The following CCDC192 variants were observed in gnomAD, a reference collection of about 807,000 sequenced individuals.
CCDC192 encodes coiled-coil domain-containing protein 192.
intron 3 of CCDC192, among the ~76,000 whole-genome samples, chr5:127,756,159 A>G (rs1361868671): frequency 6.6e-6 from 1 of 151,902 alleles, no homozygotes; most frequent in Admixed American, 6.6e-5. Context: ...AGTACACATT[A>G]TTTTTGTTCT....
intron 3 of CCDC192, among the ~76,000 whole-genome samples, chr5:127,760,995 G>T (rs964272499): frequency 1.3e-5 from 2 of 152,140 alleles, no homozygotes; most frequent in Non-Finnish European, 2.9e-5. Flanking sequence ...GGAAATTCAA[G>T]AGGAGGCAAA....
chr5:127,767,772 G>C (rs1755313150), intron 3 of CCDC192, among the ~76,000 whole-genome samples: 1 of 152,114 alleles, frequency 6.6e-6, no homozygotes, highest in Non-Finnish European at 1.5e-5. Context: ...TTCACTTGGA[G>C]TTTAAATGAG....
intron 6 of CCDC192, among the ~76,000 whole-genome samples, chr5:127,890,725 C>T (rs917513087): frequency 6.6e-6 from 1 of 152,174 alleles, no homozygotes; most frequent in African/African-American, 2.4e-5. Flanking sequence ...ATATTTTAGC[C>T]TGACATTCAG....
At chr5:127,786,784 A>G (rs745883548) in intron 3 of CCDC192, 4 of 624,326 alleles carry the variant, frequency 6.4e-6, no homozygotes, top group African/African-American at 1.8e-5. Context: ...AGTTGTTTGT[A>G]TAATTCCAGG....
chr5:127,752,726 G>T (rs1459549606), intron 2 of CCDC192, among the ~76,000 whole-genome samples: 1 of 152,218 alleles, frequency 6.6e-6, no homozygotes, highest in Non-Finnish European at 1.5e-5. Context: ...CTGCCGCCTT[G>T]CAGTTTGATC....
At chr5:127,793,069 A>C (rs945051859) in intron 3 of CCDC192, among the ~76,000 whole-genome samples, 1 of 152,220 alleles carries the variant, frequency 6.6e-6, no homozygotes, top group Non-Finnish European at 1.5e-5. Context: ...GGAACCATTC[A>C]TACCCCAAAC....
Position 127,785,441 on chromosome 5 carries a change from A to G in CCDC192, c.223-11662A>G, listed in dbSNP as rs140162923. ...GAAACATCCACTGAAGTTTAGAGGT[A>G]TACTCAAAACCACAAGCTTGCTTTA... On this transcript the variant is annotated intron_variant, in intron 3 of 6. Transcript: ENST00000514853. 2.2e-3 allele frequency: 654 copies of G among 300,592 alleles called. 3 individuals are homozygous for G. The highest frequency in any genetic ancestry group is 0.013 in the African/African-American group (599 of 44,990). The allele number at this position is 300,592 out of a possible 1,614,324, so 18.6% of individuals were successfully genotyped here. A position where few individuals can be genotyped will look rare whatever the true frequency, so the allele number is the denominator to read the frequency against.
chr5:127,932,351 T>C lies in CCDC192; in HGVS notation c.536-8831T>C, dbSNP rs555263535. ...TCCCAACTAGCTGGGACTACAGGCA[T>C]GCGCCACCACGCCCGGCTAATTTTG... On this transcript the variant is annotated intron_variant, in intron 6 of 6. Coordinates refer to ENST00000514853, the MANE Select transcript of CCDC192 (RefSeq NM_001317938.2). Among the ~76,000 whole-genome samples the C allele has an allele frequency of 3.3e-5, 5 of 151,988 alleles. No homozygotes were observed. The East Asian group carries it at 9.9e-4, about 30-fold the overall frequency.
At chr5:127,820,888 C>A (rs1439428590) in intron 5 of CCDC192, among the ~76,000 whole-genome samples, 1 of 152,094 alleles carries the variant, frequency 6.6e-6, no homozygotes, top group Non-Finnish European at 1.5e-5. Flanking sequence ...TTAATTTAAT[C>A]TAAATATATT....
At chr5:127,719,691 T>C (rs1341921612) in intron 2 of CCDC192, among the ~76,000 whole-genome samples, 1 of 151,302 alleles carries the variant, frequency 6.6e-6, no homozygotes, top group Non-Finnish European at 1.5e-5. Context: ...GGGTAATTTA[T>C]AAAGAAAAGA....
intron 5 of CCDC192, among the ~76,000 whole-genome samples, chr5:127,798,967 C>A (rs17164667): frequency 0.022 from 3,295 of 152,238 alleles, 120 homozygotes; most frequent in African/African-American, 0.075. Flanking sequence ...AAATCTGTCA[C>A]CCTGCCACTA....
rs564636992 is a variant in CCDC192, at chr5:127,731,549, T to C, written c.115-22719T>C. Reference sequence around the variant, plus strand: ...TCATACAGAACCAAAAAAGAGCCTGTATAGCCAAGACAATTCTAAGCAAAC... The same window carrying C: ...TCATACAGAACCAAAAAAGAGCCTGCATAGCCAAGACAATTCTAAGCAAAC... On this transcript the variant is annotated intron_variant, in intron 2 of 6. Coordinates refer to ENST00000514853, the MANE Select transcript of CCDC192 (RefSeq NM_001317938.2). Among the ~76,000 whole-genome samples, 9 of 152,264 alleles carry C rather than the reference T, an allele frequency of 5.9e-5. No homozygotes were observed. The South Asian group carries it at 1.7e-3, about 28-fold the overall frequency.
rs532803755 is a variant in CCDC192 at position 127,856,347 on chromosome 5, A to G, written c.412-19191A>G. On this transcript the variant is annotated intron_variant, in intron 5 of 6. Coordinates refer to ENST00000514853, the MANE Select transcript of CCDC192 (RefSeq NM_001317938.2). ...TCTCTCAGCCTTCCTAGAATTGAAG[A>G]ACATTAGGACCTTGCTTTGGATTAG... Among the ~76,000 whole-genome samples, 6 of 152,310 alleles carry G rather than the reference A, an allele frequency of 3.9e-5. No homozygotes were observed. The East Asian group carries it at 1.2e-3, about 29-fold the overall frequency.
chr5:127,734,789 G>C (rs1447053043), intron 2 of CCDC192, among the ~76,000 whole-genome samples: 1 of 151,230 alleles, frequency 6.6e-6, no homozygotes, highest in Non-Finnish European at 1.5e-5. Context: ...TTTTTTTCTT[G>C]TAAATTTGTT....
At chr5:127,802,093 A>C (rs1277167439) in intron 5 of CCDC192, among the ~76,000 whole-genome samples, 1 of 152,152 alleles carries the variant, frequency 6.6e-6, no homozygotes, top group Non-Finnish European at 1.5e-5. Flanking sequence ...CCTCAGGCCA[A>C]TGGCCTCCTG....
intron 6 of CCDC192, among the ~76,000 whole-genome samples, chr5:127,923,789 A>G (rs1423130803): frequency 1.3e-5 from 2 of 152,178 alleles, no homozygotes; most frequent in Non-Finnish European, 2.9e-5. Context: ...ATTCTGTTGC[A>G]AGCATCACGG....
Position 127,773,187 on chromosome 5 carries a change from G to A in CCDC192, c.222+18812G>A, listed in dbSNP as rs186184975. Among the ~76,000 whole-genome samples the A allele has an allele frequency of 7.7e-4, 117 of 152,262 alleles. 2 individuals are homozygous for A. The highest frequency in any genetic ancestry group is 2.1e-3 in the African/African-American group (89 of 41,550). ...AAATGAAACCAGTGAATCCAATTTT[G>A]TGATGTTTTTTCTGGTAACATTCAA... is the stretch of plus-strand genomic sequence containing the variant. On this transcript the variant is annotated intron_variant, in intron 3 of 6. Transcript: ENST00000514853.
At chr5:127,915,878 G>A (rs1454727301) in intron 6 of CCDC192, among the ~76,000 whole-genome samples, 1 of 152,202 alleles carries the variant, frequency 6.6e-6, no homozygotes, top group Non-Finnish European at 1.5e-5. Context: ...ACAGATAAAG[G>A]TGGTGGCGGC....
intron 3 of CCDC192, chr5:127,785,006 A>T: frequency 2.1e-6 from 1 of 475,522 alleles, no homozygotes; most frequent in East Asian, 5.6e-5. Flanking sequence ...AATAACTTCA[A>T]CTTTAATAAA....
Sources: allele counts gnomAD v4.1 joint callset (sites outside exome capture counted in the v4.1 genomes callset), GRCh38; gene constraint gnomAD v4.1.1; transcripts MANE v1.5; gene names NCBI Gene and HGNC (gene_info 2026-07-23, HGNC 2026-07-21).